Variants in CLASP2 observed in about 807,000 individuals in gnomAD.
CLASP2 encodes the protein CLIP-associating protein 2.
In CLASP2, 47 loss-of-function variants were observed where a neutral mutation model predicts 194.4. That is an observed-to-expected ratio of 0.24 (90% CI 0.19 to 0.31). The LOEUF is 0.31. Ranked by LOEUF, CLASP2 falls within the 10% of genes least tolerant of loss-of-function variation. The pLI is 1.00. For synonymous variants in CLASP2, 619 were observed against 633.5 expected (o/e 0.98, Z 0.34); for missense variants, 1,445 against 1,823.6 (o/e 0.79, Z 3.78).
In CLASP2 at chr3:33,617,127, G is replaced by A. The variant is rs535461664; in HGVS notation, c.1317+2476C>T. On this transcript the variant is annotated intron_variant, in intron 12 of 38. Transcript: ENST00000682230. ...GAAACGGGAAAAAAGGACCATTTTC[G>A]TATTTTAAATTAGCATTTAATATAA... Among the ~76,000 whole-genome samples the A allele has an allele frequency of 5.4e-5, 8 of 148,868 alleles. No homozygotes were observed. The South Asian group carries it at 1.1e-3, about 20-fold the overall frequency.
intron 8 of CLASP2, 150 bp downstream of exon 8, chr3:33,644,607 G>T: frequency 1.3e-6 from 1 of 772,482 alleles, no homozygotes; most frequent in Non-Finnish European, 2.2e-6. Flanking sequence ...TTTCAAAAGG[G>T]CATCGTATTC....
chr3:33,693,454 A>G (rs1291186943), intron 2 of CLASP2, among the ~76,000 whole-genome samples: 1 of 152,136 alleles, frequency 6.6e-6, no homozygotes, highest in African/African-American at 2.4e-5. Context: ...AAAGACTCCT[A>G]AAGAGATCTG....
chr3:33,641,096 T>G (rs948644741), intron 8 of CLASP2, among the ~76,000 whole-genome samples: 1 of 152,022 alleles, frequency 6.6e-6, no homozygotes, highest in Non-Finnish European at 1.5e-5. Flanking sequence ...TGCTCATCAG[T>G]AAAATCAGTT....
At chr3:33,643,688 G>C (rs2081759028) in intron 8 of CLASP2, among the ~76,000 whole-genome samples, 1 of 151,868 alleles carries the variant, frequency 6.6e-6, no homozygotes, top group Non-Finnish European at 1.5e-5. Context: ...TGACACAGAA[G>C]ATCGTTTAAA....
chr3:33,702,657 A>G (rs1473969413), intron 1 of CLASP2, among the ~76,000 whole-genome samples: 4 of 152,220 alleles, frequency 2.6e-5, no homozygotes, highest in African/African-American at 9.6e-5. Context: ...AGAAAGTGAA[A>G]AGACAACCAA....
At chr3:33,565,980 C>G (rs542581010) in intron 27 of CLASP2, among the ~76,000 whole-genome samples, 2 of 152,204 alleles carry the variant, frequency 1.3e-5, no homozygotes, top group African/African-American at 4.8e-5. Context: ...GTCTGTGTCC[C>G]TCTCTAACCT....
At chr3:33,686,725 C>A (rs1256671371) in intron 5 of CLASP2, among the ~76,000 whole-genome samples, 4 of 152,070 alleles carry the variant, frequency 2.6e-5, no homozygotes, top group African/African-American at 9.7e-5. Context: ...CAGCAATAAC[C>A]AAAGGAAGCT....
At chr3:33,530,918 C>T (rs940956078) in intron 34 of CLASP2, among the ~76,000 whole-genome samples, 2 of 152,172 alleles carry the variant, frequency 1.3e-5, no homozygotes, top group African/African-American at 4.8e-5. Context: ...AAGAGATCTA[C>T]AGATTCAGTG....
chr3:33,568,604 T>C (rs116042638), intron 26 of CLASP2, among the ~76,000 whole-genome samples: 2,704 of 144,868 alleles, frequency 0.019, 52 homozygotes, highest in African/African-American at 0.044. Flanking sequence ...CCTCACATTT[T>C]AATGTTCATA....
intron 37 of CLASP2, chr3:33,505,269 A>AAC (rs1559763839): frequency 0.1 from 13,249 of 126,570 alleles, 684 homozygotes; most frequent in Admixed American, 0.16. Context: ...ACAACAACAA[A>AAC]ACATAACCAC....
chr3:33,541,039 C>G (rs1353794540), intron 32 of CLASP2, among the ~76,000 whole-genome samples: 2 of 152,146 alleles, frequency 1.3e-5, no homozygotes, highest in Non-Finnish European at 2.9e-5. Context: ...TCCCAAAGTG[C>G]TGGGATTACA....
chr3:33,571,048 CT>C (rs1473709405), intron 25 of CLASP2, among the ~76,000 whole-genome samples: 1 of 110,084 alleles, frequency 9.1e-6, no homozygotes, highest in African/African-American at 3.0e-5. Context: ...CGGAGTCTCG[CT>C]GTCGCCCAGG....
intron 1 of CLASP2, among the ~76,000 whole-genome samples, chr3:33,702,936 A>G (rs2154353793): frequency 1.3e-5 from 2 of 152,318 alleles, no homozygotes; most frequent in South Asian, 4.1e-4. Context: ...TAATCTAGAC[A>G]GAGACCTTAT....
At chr3:33,704,767 C>T (rs1046837215) in intron 1 of CLASP2, among the ~76,000 whole-genome samples, 6 of 149,484 alleles carry the variant, frequency 4.0e-5, no homozygotes, top group Admixed American at 1.3e-4. Flanking sequence ...TATATATATA[C>T]ATATATATAT....
At chr3:33,586,781 A>G (rs571184546) in intron 21 of CLASP2, among the ~76,000 whole-genome samples, 1 of 152,160 alleles carries the variant, frequency 6.6e-6, no homozygotes, top group Admixed American at 6.6e-5. Context: ...AGAGGGCTGT[A>G]TGATTATATG....
At chr3:33,537,512 A>G (rs1353315115) in intron 33 of CLASP2, among the ~76,000 whole-genome samples, 1 of 152,262 alleles carries the variant, frequency 6.6e-6, no homozygotes, top group Non-Finnish European at 1.5e-5. Context: ...TGAAAAGTCT[A>G]AGCTGTCAGA....
In CLASP2 at chr3:33,622,271, T is replaced by C; in HGVS notation, c.1045A>G (p.Ile349Val). The C allele has an allele frequency of 1.4e-6, 2 of 1,476,578 alleles. No individual in the cohort carries two copies. The highest frequency in any genetic ancestry group is 2.5e-5 in the East Asian group (1 of 40,434). The allele number at this position is 1,476,578 out of a possible 1,614,324, so 91.5% of individuals were successfully genotyped here. Residue 349 changes from isoleucine to valine, a missense_variant, in exon 11 of 39, where the codon ATT becomes GTT. By Grantham distance (29) the Ile-to-Val change is conservative. Coordinates refer to ENST00000682230, the MANE Select transcript of CLASP2 (RefSeq NM_001365631.1). ...GCTCCAGCAACAAGCAGTGATCGAA[T>C]TTTCTTCAGCTGAAATAAAGAATTT... Reference protein sequence around the residue: ...WDQRANALKKIRSLLVAGAAQ... With the variant: ...WDQRANALKKVRSLLVAGAAQ...
At chr3:33,704,835 A>G (rs1575719479) in intron 1 of CLASP2, among the ~76,000 whole-genome samples, 1 of 152,240 alleles carries the variant, frequency 6.6e-6, no homozygotes, top group South Asian at 2.1e-4. Context: ...CATTAAAGAA[A>G]TGCAAATCAA....
chr3:33,690,497 T>TACTATC (rs751037444), intron 2 of CLASP2, among the ~76,000 whole-genome samples: 2 of 152,208 alleles, frequency 1.3e-5, no homozygotes, highest in Non-Finnish European at 2.9e-5. Context: ...ATATGCCACC[T>TACTATC]ACTATCACTA....
Sources: allele counts gnomAD v4.1 joint callset (sites outside exome capture counted in the v4.1 genomes callset), GRCh38; gene constraint gnomAD v4.1.1; transcripts MANE v1.5; gene names NCBI Gene and HGNC (gene_info 2026-07-23, HGNC 2026-07-21).